The following TMEM231 variants were observed in gnomAD, a reference collection of about 807,000 sequenced individuals.
TMEM231 encodes the protein transmembrane protein 231.
Under a neutral mutation model 38.5 loss-of-function variants are expected in TMEM231, and 40 were observed. The ratio of observed to expected loss-of-function variants is 1.04; its 90% CI spans 0.81 to 1.35. The LOEUF (loss-of-function observed/expected upper bound fraction) is 1.35. Ranked by LOEUF, TMEM231 falls within the 40% of genes most tolerant of loss-of-function variation. TMEM231 has a pLI of 0.00. For missense variants in TMEM231, 420 were observed against 416.9 expected (o/e 1.01, Z -0.07); for synonymous variants, 199 against 181.7 (o/e 1.10, Z -0.77).
rs949368216 is a variant in TMEM231 at position 75,537,449 on chromosome 16, C to G, written c.*2545G>C. On this transcript the variant is annotated 3_prime_UTR_variant, in exon 7 of 7. Transcript: ENST00000258173. Reference sequence around the variant, plus strand: ...GTAATAACATCAAACCTTAACTTAGCTATGGGTCGGAGCTGAGTTAATAAA... The same window carrying G: ...GTAATAACATCAAACCTTAACTTAGGTATGGGTCGGAGCTGAGTTAATAAA... 5 of 151,416 alleles carry G rather than the reference C, an allele frequency of 3.3e-5. No homozygotes were observed. Among genetic ancestry groups the G allele is most frequent in the African/African-American group, 1.2e-4 (5 of 41,298 alleles). 9.4% of individuals were successfully genotyped at this position (151,416 alleles called of 1,614,324 possible). A position where few individuals can be genotyped will look rare whatever the true frequency, so the allele number is the denominator to read the frequency against.
rs60530589 is a variant in TMEM231, at chr16:75,545,147, G to C, written c.582+205C>G. On this transcript the variant is annotated intron_variant, in intron 4 of 6. Coordinates refer to ENST00000258173, the MANE Select transcript of TMEM231 (RefSeq NM_001077418.3). ...TTTTTTGTATTTTTAGTAGAGACAG[G>C]GTTTCACCAGGTTGGCCAGACTGGT... 0.064 allele frequency among the ~76,000 whole-genome samples: 9,660 copies of C among 151,526 alleles called. 1,039 individuals are homozygous for C. Among genetic ancestry groups the C allele is most frequent in the African/African-American group, 0.22 (9,174 of 41,232 alleles).
chr16:75,547,500 T>C (rs906342103), intron 2 of TMEM231, among the ~76,000 whole-genome samples: 7 of 152,146 alleles, frequency 4.6e-5, no homozygotes, highest in African/African-American at 1.7e-4. Context: ...ATGATCAAGT[T>C]ACTGAGGCAA....
At position 75,553,713 on chromosome 16, in the gene TMEM231, G is replaced by C. The variant is rs116619610; in HGVS notation, c.309+2091C>G. Among the ~76,000 whole-genome samples the C allele has an allele frequency of 4.1e-3, 623 of 151,484 alleles. 5 individuals carry two copies. The highest frequency in any genetic ancestry group is 0.014 in the African/African-American group (582 of 41,300). ...TAATTTTTTATTTTTTTGAAATGTG[G>C]GGTCTTGCTATGTTGCCCACACTGG... On this transcript the variant is annotated intron_variant, in intron 2 of 6. Transcript: ENST00000258173.
chr16:75,552,600 G>C (rs2080775636), intron 2 of TMEM231, among the ~76,000 whole-genome samples: 1 of 152,160 alleles, frequency 6.6e-6, no homozygotes, highest in South Asian at 2.1e-4. Context: ...ATTCAATTCA[G>C]GGGTTAAAAA....
At position 75,542,493 on chromosome 16, in the gene TMEM231, CG is replaced by C. The variant is rs146731200; in HGVS notation, c.664+108del. 69,162 of 982,190 alleles carry C rather than the reference CG, an allele frequency of 0.07. 2,921 individuals are homozygous for C. The highest frequency in any genetic ancestry group is 0.12 in the African/African-American group (7,727 of 62,612). 60.8% of individuals were successfully genotyped at this position (982,190 alleles called of 1,614,324 possible). A position where few individuals can be genotyped will look rare whatever the true frequency, so the allele number is the denominator to read the frequency against. The stretch of plus-strand genomic sequence containing the variant: ...ATTTGCTCCCATCGTTGAGCATTCA[CG>C]GGTTTTGACATTTTCATCACAAGGG... On this transcript the variant is annotated intron_variant, in intron 5 of 6. Transcript: ENST00000258173.
At chr16:75,549,991 G>A (rs1014425217) in intron 2 of TMEM231, among the ~76,000 whole-genome samples, 3 of 152,172 alleles carry the variant, frequency 2.0e-5, no homozygotes, top group African/African-American at 7.2e-5. Flanking sequence ...TTACAGGCAT[G>A]AGCCACCGCA....
chr16:75,541,466 A>G lies in TMEM231; in HGVS notation c.665-11T>C, dbSNP rs886039807. 1.3e-6 allele frequency: 2 copies of G among 1,577,610 alleles called. No homozygotes were observed. The highest frequency in any genetic ancestry group is 8.7e-7 in the Non-Finnish European group (1 of 1,153,640). On this transcript the variant is annotated splice_polypyrimidine_tract_variant and intron_variant, in intron 5 of 6. Coordinates refer to ENST00000258173, the MANE Select transcript of TMEM231 (RefSeq NM_001077418.3). Reference sequence around the variant, plus strand: ...TCAGGACGGTGGTAACTGCAATGCAATCATTAACCATTAACCACGATGGCT... The same window carrying G: ...TCAGGACGGTGGTAACTGCAATGCAGTCATTAACCATTAACCACGATGGCT...
At chr16:75,552,346 C>T (rs4887832) in intron 2 of TMEM231, among the ~76,000 whole-genome samples, 6 of 151,776 alleles carry the variant, frequency 4.0e-5, no homozygotes, top group Admixed American at 2.0e-4. Context: ...CCAGCTCCTT[C>T]GGAGGCTGAG....
chr16:75,553,393 T>A (rs2080781720), intron 2 of TMEM231, among the ~76,000 whole-genome samples: 1 of 151,670 alleles, frequency 6.6e-6, no homozygotes, highest in African/African-American at 2.4e-5. Flanking sequence ...CTGAGGTGAG[T>A]GTATTACCAG....
At chr16:75,541,268 C>T in intron 6 of TMEM231, 82 bp downstream of exon 6, 1 of 971,356 alleles carries the variant, frequency 1.0e-6, no homozygotes, top group Middle Eastern at 2.6e-4. Flanking sequence ...GATCCTCCCA[C>T]CTTGGCCTCC....
chr16:75,550,158 T>G (rs1172430536), intron 2 of TMEM231, among the ~76,000 whole-genome samples: 1 of 152,178 alleles, frequency 6.6e-6, no homozygotes, highest in African/African-American at 2.4e-5. Context: ...CGGGTGGGAC[T>G]GATAGAACTT....
intron 2 of TMEM231, among the ~76,000 whole-genome samples, chr16:75,551,981 AAAG>A (rs370567553): frequency 2.8e-4 from 43 of 151,830 alleles, no homozygotes; most frequent in African/African-American, 9.7e-4. Context: ...AAAGAAAAGA[AAAG>A]AAAGAAAAAT....
At chr16:75,555,683 G>T in intron 2 of TMEM231, 121 bp downstream of exon 2, 1 of 1,056,404 alleles carries the variant, frequency 9.5e-7, no homozygotes, top group Non-Finnish European at 1.3e-6. Flanking sequence ...GCGGGTTCGC[G>T]AGTCCTTAGG....
Position 75,545,920 on chromosome 16 carries a change from G to A in TMEM231, c.344C>T (p.Thr115Met), listed in dbSNP as rs971463265. 8 of 1,519,616 alleles carry A rather than the reference G, an allele frequency of 5.3e-6. No homozygotes were observed. The highest frequency in any genetic ancestry group is 2.5e-5 in the East Asian group (1 of 40,500). The allele number at this position is 1,519,616 out of a possible 1,614,324, so 94.1% of individuals were successfully genotyped here. The change falls in exon 3 of 7, where the codon ACG (threonine) becomes ATG (methionine). Residue 115 changes from threonine to methionine, a missense_variant. Physicochemically the swap from Thr to Met is moderately conservative, Grantham distance 81. Coordinates refer to ENST00000258173, the MANE Select transcript of TMEM231 (RefSeq NM_001077418.3). ...CTCCAGCTTAAAATGTAACATGTCCGTCTTCCCATCCTGGTTCCTGTCTTC... is the reference window on the plus strand; with the variant it reads ...CTCCAGCTTAAAATGTAACATGTCCATCTTCCCATCCTGGTTCCTGTCTTC... Reference protein sequence around the residue: ...REEDRNQDGKTDMLHFKLELP... With the variant: ...REEDRNQDGKMDMLHFKLELP...
In TMEM231 at chr16:75,546,081, A is replaced by C. The variant is rs777174335; in HGVS notation, c.310-127T>G. 1.0e-3 allele frequency: 1,597 copies of C among 1,547,088 alleles called. 2 individuals are homozygous for C. Among genetic ancestry groups the C allele is most frequent in the Non-Finnish European group, 1.3e-3 (1,461 of 1,144,706 alleles). On this transcript the variant is annotated intron_variant, in intron 2 of 6. Transcript: ENST00000258173. ...ACAACAGGCATTATCTCCTCCACTA[A>C]AAGAGAAAAGCAGATAGATGTAAGT...
rs774265542 is a variant in TMEM231, at chr16:75,542,693, G to A, written c.583-10C>T. 42 of 1,613,360 alleles carry A rather than the reference G, an allele frequency of 2.6e-5. No individual in the cohort carries two copies. The highest frequency in any genetic ancestry group is 1.7e-4 in the Middle Eastern group (1 of 6,054). Reference sequence around the variant, plus strand: ...CGTTGATCACGGATATCTGGGACACGGGAGGAGGATGTGGTGTGAGCACCT... The same window carrying A: ...CGTTGATCACGGATATCTGGGACACAGGAGGAGGATGTGGTGTGAGCACCT... On this transcript the variant is annotated splice_polypyrimidine_tract_variant and intron_variant, in intron 4 of 6. Transcript: ENST00000258173.
chr16:75,541,750 G>C (rs2080630929), intron 5 of TMEM231: 1 of 203,600 alleles, frequency 4.9e-6, no homozygotes, highest in Non-Finnish European at 9.8e-6. Context: ...CAGCTTTGTA[G>C]CTGTGTGGGG....
intron 2 of TMEM231, among the ~76,000 whole-genome samples, chr16:75,554,545 CAAAAAAA>C (rs1185694717): frequency 1.1e-5 from 1 of 94,118 alleles, no homozygotes; most frequent in Admixed American, 1.0e-4. Flanking sequence ...GACTGTGTCT[CAAAAAAA>C]AAAAAAAAAA....
At chr16:75,541,178 T>A (rs918979596) in intron 6 of TMEM231, among the ~76,000 whole-genome samples, 172 bp downstream of exon 6, 1 of 125,916 alleles carries the variant, frequency 7.9e-6, no homozygotes, top group Non-Finnish European at 1.6e-5. Flanking sequence ...TATGCCTGGC[T>A]AATTTTTTTT....
Sources: gnomAD v4.1 joint callset for allele counts (sites outside exome capture counted in the v4.1 genomes callset) on GRCh38, gnomAD v4.1.1 for gene constraint, MANE v1.5 for transcripts, NCBI Gene and HGNC (gene_info 2026-07-23, HGNC 2026-07-21) for gene names.